Variants in MYO15B observed in about 807,000 individuals in gnomAD.
The protein encoded by MYO15B is myosin XVB pseudogene.
Under a neutral mutation model 119.3 loss-of-function variants are expected in MYO15B, and 207 were observed. The ratio of observed to expected loss-of-function variants is 1.73; its 90% CI spans 1.55 to 1.95. MYO15B has a LOEUF of 1.95. Ranked by LOEUF, MYO15B falls within the 30% of genes most tolerant of loss-of-function variation. The probability of loss-of-function intolerance (pLI) is 0.00; values close to 1 mark genes in which losing one functional copy is unlikely to be tolerated. For synonymous variants in MYO15B, 966 were observed against 498.9 expected (o/e 1.94, Z -12.48); for missense variants, 2,264 against 1,203.1 (o/e 1.88, Z -13.04).
chr17:75,616,956 C>G (rs1568203639), exon 40 of MYO15B: 1 of 702,934 alleles, frequency 1.4e-6, no homozygotes, highest in Non-Finnish European at 2.6e-6. Flanking sequence ...CCACTCGTCC[C>G]CGCCGGTGAG....
chr17:75,613,711 G>T (rs1465059276), exon 29 of MYO15B: 1 of 702,314 alleles, frequency 1.4e-6, no homozygotes, highest in Non-Finnish European at 2.6e-6. Flanking sequence ...GCAGAGGAGT[G>T]CTACTCGGCC....
At position 75,610,930 on chromosome 17, in the gene MYO15B, G is replaced by T; in HGVS notation, c.4417G>T (p.Glu1473Ter). ...GCGTTGGCAGGGCTGGCATAGCAGC[G>T]AAAGGGCCTTGGAGAGAGTGCCAAG... The change falls in exon 23 of 64, where the codon GAA (glutamate) becomes TAA (stop). Residue 1473 changes from glutamate (E) to a stop codon, truncating the protein, a stop_gained. Coordinates refer to ENST00000645453, the Ensembl canonical transcript of MYO15B. LOFTEE classifies it high-confidence loss of function. 1 of 703,070 alleles carries T rather than the reference G, an allele frequency of 1.4e-6. No homozygotes were observed. 43.6% of individuals were successfully genotyped at this position (703,070 alleles called of 1,614,324 possible).
intron 21 of MYO15B, among the ~76,000 whole-genome samples, chr17:75,608,598 G>A (rs1180605963): frequency 6.6e-6 from 1 of 151,680 alleles, no homozygotes; most frequent in Non-Finnish European, 1.5e-5. Context: ...CCGAGATCGC[G>A]CCATTGCACT....
chr17:75,601,681 A>C (rs1167797031), intron 15 of MYO15B, 118 bp downstream of exon 15: 6 of 629,408 alleles, frequency 9.5e-6, no homozygotes, highest in Non-Finnish European at 1.4e-5. Flanking sequence ...AGGCTTGGAC[A>C]CCTGTCCCTA....
intron 6 of MYO15B, 72 bp downstream of exon 6, chr17:75,592,152 G>A: frequency 2.9e-6 from 2 of 701,272 alleles, no homozygotes; most frequent in South Asian, 3.0e-5. Flanking sequence ...CTTCCCTGGG[G>A]TCCAGACCCT....
chr17:75,621,952 CCAGCCCCAGCA>C (rs1191431660), intron 52 of MYO15B, 41 bp from the exon 53 acceptor site: 27 of 698,210 alleles, frequency 3.9e-5, no homozygotes, highest in Admixed American at 8.0e-5. Context: ...TGAGCCGGGG[CCAGCCCCAGCA>C]CAGCCCCAGC....
chr17:75,596,534 G>T (rs1275972033), exon 13 of MYO15B: 2 of 703,076 alleles, frequency 2.8e-6, no homozygotes, highest in South Asian at 3.0e-5. Context: ...TCTCCAGCCA[G>T]ATGCTGCTGG....
At chr17:75,604,078 G>A (rs1031654655) in intron 19 of MYO15B, among the ~76,000 whole-genome samples, 2 of 152,160 alleles carry the variant, frequency 1.3e-5, no homozygotes, top group African/African-American at 2.4e-5. Context: ...CCTGGTTGGG[G>A]GACTGAGCAA....
exon 38 of MYO15B, chr17:75,616,414 A>G (rs2058374948): frequency 4.8e-6 from 3 of 627,890 alleles, no homozygotes; most frequent in Admixed American, 5.2e-5. Context: ...GAGGAGGAGG[A>G]GCAGGAGGAG....
chr17:75,621,182 TG>T lies in MYO15B; in HGVS notation c.7871+7del, dbSNP rs1568222197. On this transcript the variant is annotated splice_region_variant and intron_variant, in intron 50 of 63. Transcript: ENST00000645453. ...TTCCGGAGGTCCCAGGCCTTGTGAG[TG>T]CACTGGGCCAACCCCTGTGCCTGTC... The T allele has an allele frequency of 2.9e-6, 2 of 688,052 alleles. No individual in the cohort carries two copies. Among genetic ancestry groups the T allele is most frequent in the South Asian group, 3.1e-5 (2 of 64,796 alleles). The allele number at this position is 688,052 out of a possible 1,614,324, so 42.6% of individuals were successfully genotyped here. A position where few individuals can be genotyped will look rare whatever the true frequency, so the allele number is the denominator to read the frequency against.
At chr17:75,618,953 T>C in intron 43 of MYO15B, 190 bp from the exon 44 acceptor site, 1 of 602,318 alleles carries the variant, frequency 1.7e-6, no homozygotes, top group Non-Finnish European at 3.0e-6. Flanking sequence ...AGGTGAGACG[T>C]GTGAATGGAG....
intron 45 of MYO15B, 73 bp downstream of exon 45, chr17:75,619,549 C>T: frequency 1.5e-6 from 1 of 686,334 alleles, no homozygotes; most frequent in Non-Finnish European, 2.7e-6. Context: ...GGGCACAGAC[C>T]ACAAGCAGGA....
At chr17:75,602,752 T>C in intron 16 of MYO15B, 78 bp from the exon 17 acceptor site, 1 of 604,640 alleles carries the variant, frequency 1.7e-6, no homozygotes, top group East Asian at 2.7e-5. Context: ...CGAGGGCTGG[T>C]CCATTCTGGC....
chr17:75,592,544 C>T lies in MYO15B; in HGVS notation c.2829+3C>T, dbSNP rs911825265. 4.8e-5 allele frequency: 29 copies of T among 609,928 alleles called. No individual in the cohort carries two copies. Among genetic ancestry groups the T allele is most frequent in the African/African-American group, 4.2e-4 (23 of 54,402 alleles). The allele number at this position is 609,928 out of a possible 1,614,324, so 37.8% of individuals were successfully genotyped here. On this transcript the variant is annotated splice_donor_region_variant and intron_variant, in intron 8 of 63. Transcript: ENST00000645453. ...AGACTTACTACTACCTCAACCAGGT[C>T]GGGGGAGCCCTTGTGGTGCGGCGGG...
Position 75,602,506 on chromosome 17 carries a change from G to T in MYO15B, c.3652-11G>T. The T allele has an allele frequency of 2.8e-6, 2 of 702,756 alleles. No individual in the cohort carries two copies. The highest frequency in any genetic ancestry group is 3.0e-5 in the South Asian group (2 of 67,574). The allele number at this position is 702,756 out of a possible 1,614,324, so 43.5% of individuals were successfully genotyped here. On this transcript the variant is annotated splice_polypyrimidine_tract_variant and intron_variant, in intron 15 of 63. Coordinates refer to ENST00000645453, the Ensembl canonical transcript of MYO15B. ...CTCCACTTCCCTCCCCACCTGCATG[G>T]TCTCTTGCAGGTTCACAAGTTTTTA...
exon 52 of MYO15B, chr17:75,621,538 A>T (rs2058712291): frequency 1.4e-6 from 1 of 702,114 alleles, no homozygotes; most frequent in Non-Finnish European, 2.6e-6. Flanking sequence ...CTCAGTGATG[A>T]TGTGAGCAAG....
At chr17:75,598,003 G>A (rs1033344125) in intron 14 of MYO15B, among the ~76,000 whole-genome samples, 1 of 152,102 alleles carries the variant, frequency 6.6e-6, no homozygotes, top group African/African-American at 2.4e-5. Flanking sequence ...GGCGTGTGGG[G>A]CAGGGAGAGT....
Position 75,612,022 on chromosome 17 carries a change from C to T in MYO15B, c.4635+6C>T, listed in dbSNP as rs1298373274. 1.8e-5 allele frequency: 13 copies of T among 702,766 alleles called. No homozygotes were observed. Among genetic ancestry groups the T allele is most frequent in the East Asian group, 1.3e-4 (5 of 37,298 alleles). 43.5% of individuals were successfully genotyped at this position (702,766 alleles called of 1,614,324 possible). On this transcript the variant is annotated splice_donor_region_variant and intron_variant, in intron 25 of 63. Transcript: ENST00000645453. ...TCGTCGCCATCGGCTTTCAGGTGGG[C>T]GCCCAGGCCTAAGCTCTTCCCGCTG...
At chr17:75,615,788 G>T (rs2058335427) in exon 36 of MYO15B, 1 of 702,438 alleles carries the variant, frequency 1.4e-6, no homozygotes, top group African/African-American at 1.7e-5. Flanking sequence ...CTGCGTCCCA[G>T]GCCTCACCCT....
Sources: gnomAD v4.1 joint callset for allele counts (sites outside exome capture counted in the v4.1 genomes callset) on GRCh38, gnomAD v4.1.1 for gene constraint, MANE v1.5 for transcripts, NCBI Gene and HGNC (gene_info 2026-07-23, HGNC 2026-07-21) for gene names.